The following SPNS2 variants were observed in gnomAD, a reference collection of about 807,000 sequenced individuals.
SPNS2 encodes sphingosine-1-phosphate transporter SPNS2.
Under a neutral mutation model 57.6 loss-of-function variants are expected in SPNS2, and 37 were observed. That is an observed-to-expected ratio of 0.64 (90% CI 0.49 to 0.85). SPNS2 has a LOEUF of 0.85. Ranked by LOEUF, SPNS2 falls within the 40% of genes least tolerant of loss-of-function variation. The pLI is 0.00. For synonymous variants in SPNS2, 440 were observed against 346.9 expected, an observed-to-expected ratio of 1.27 and a Z score of -2.98; for missense variants, 831 against 779.1, an observed-to-expected ratio of 1.07 and a Z score of -0.79.
intron 1 of SPNS2, among the ~76,000 whole-genome samples, chr17:4,503,154 T>A (rs1026897699): frequency 6.6e-6 from 1 of 152,194 alleles, no homozygotes; most frequent in Admixed American, 6.5e-5. Flanking sequence ...TTACCCAAGG[T>A]CACACGGGGG....
rs546650305 is a variant in SPNS2 at position 4,533,444 on chromosome 17, G to C, written c.1278+12G>C. The C allele has an allele frequency of 4.4e-6, 7 of 1,580,408 alleles. No homozygotes were observed. In the Admixed American group the frequency reaches 8.8e-5, roughly 20 times the overall value. On this transcript the variant is annotated intron_variant, in intron 8 of 12. Transcript: ENST00000329078. The stretch of plus-strand genomic sequence containing the variant: ...TCGTAGGAGCCTATGTGAGTGCAGC[G>C]GGGGTCAAGGGTGCTGGGGGAGCTG...
intron 3 of SPNS2, among the ~76,000 whole-genome samples, chr17:4,526,352 C>T (rs1024892454): frequency 6.6e-6 from 1 of 152,102 alleles, no homozygotes; most frequent in African/African-American, 2.4e-5. Context: ...CCTGTAATCC[C>T]AGCACTTTGG....
intron 3 of SPNS2, among the ~76,000 whole-genome samples, 169 bp from the exon 4 acceptor site, chr17:4,530,463 C>T (rs114534579): frequency 0.016 from 2,490 of 152,210 alleles, 63 homozygotes; most frequent in African/African-American, 0.058. Flanking sequence ...AACTGAGGCC[C>T]GGAGTGGCTG....
At position 4,536,183 on chromosome 17, in the gene SPNS2, C is replaced by T. The variant is rs747162282; in HGVS notation, c.1443+9C>T. On this transcript the variant is annotated intron_variant, in intron 10 of 12. Transcript: ENST00000329078. ...CCTACCTCATTGGCTTTGTGAGTAG[C>T]CCCGGGGTGGGGCTGGCCAGGGCAG... 1.9e-6 allele frequency: 3 copies of T among 1,610,716 alleles called. No individual in the cohort carries two copies. The highest frequency in any genetic ancestry group is 1.1e-5 in the South Asian group (1 of 90,988).
rs890883816 is a variant in SPNS2 at position 4,537,367 on chromosome 17, A to C, written c.*5-86A>C. 5.1e-5 allele frequency: 20 copies of C among 393,502 alleles called. No homozygotes were observed. The Admixed American group carries it at 6.2e-4, about 12-fold the overall frequency. 24.4% of individuals were successfully genotyped at this position (393,502 alleles called of 1,614,324 possible). ...GGTCCAGGAGAAGGCTTGCGTCTCC[A>C]AACAGCAAGAAAAGGGAAGGAGGGA... On this transcript the variant is annotated intron_variant, in intron 12 of 12. Coordinates refer to ENST00000329078, the MANE Select transcript of SPNS2 (RefSeq NM_001124758.3).
At chr17:4,531,597 C>T (rs1481602899) in intron 5 of SPNS2, among the ~76,000 whole-genome samples, 3 of 152,140 alleles carry the variant, frequency 2.0e-5, no homozygotes, top group African/African-American at 7.2e-5. Context: ...AACAGAGATC[C>T]CTCGTCTCTC....
intron 5 of SPNS2, among the ~76,000 whole-genome samples, chr17:4,532,186 C>T (rs1905514992): frequency 6.6e-6 from 1 of 152,108 alleles, no homozygotes; most frequent in African/African-American, 2.4e-5. Flanking sequence ...ATCCGTCCAT[C>T]CCTCCATCTA....
intron 1 of SPNS2, among the ~76,000 whole-genome samples, chr17:4,509,827 G>T (rs1904781627): frequency 6.6e-6 from 1 of 152,250 alleles, no homozygotes; most frequent in South Asian, 2.1e-4. Flanking sequence ...GGAGAGGCCT[G>T]CATTGTGGCT....
At chr17:4,536,049 C>A in intron 9 of SPNS2, 27 bp from the exon 10 acceptor site, 1 of 1,599,290 alleles carries the variant, frequency 6.3e-7, no homozygotes, top group Non-Finnish European at 8.5e-7. Context: ...TCTCCTCTGG[C>A]CGCTGACCTG....
chr17:4,528,438 G>C (rs1043694726), intron 3 of SPNS2, among the ~76,000 whole-genome samples: 5 of 152,066 alleles, frequency 3.3e-5, no homozygotes, highest in African/African-American at 1.2e-4. Flanking sequence ...TGCGTGGAGG[G>C]TTTCCTTTCA....
chr17:4,532,828 A>G, intron 6 of SPNS2, 144 bp downstream of exon 6: 9 of 1,454,568 alleles, frequency 6.2e-6, no homozygotes, highest in Non-Finnish European at 8.3e-6. Flanking sequence ...TTTTGGCCCC[A>G]GAATCGATTA....
intron 1 of SPNS2, among the ~76,000 whole-genome samples, chr17:4,507,985 C>G (rs1030312857): frequency 1.3e-5 from 2 of 152,114 alleles, no homozygotes; most frequent in Non-Finnish European, 2.9e-5. Flanking sequence ...GTCCTGGAAT[C>G]GGGGCTTGAC....
At position 4,498,947 on chromosome 17, in the gene SPNS2, A is replaced by C; in HGVS notation, c.-101A>C. On this transcript the variant is annotated 5_prime_UTR_variant, in exon 1 of 13. Transcript: ENST00000329078. ...GCGCAGGAGCCGACGGGGCCCGACC[A>C]GGATGGTGCAGTGGCGGCTCCGCGG... is the stretch of plus-strand genomic sequence containing the variant. 1.4e-6 allele frequency: 1 copy of C among 704,578 alleles called. No individual in the cohort carries two copies. The highest frequency in any genetic ancestry group is 1.7e-6 in the Non-Finnish European group (1 of 574,508). 43.6% of individuals were successfully genotyped at this position (704,578 alleles called of 1,614,324 possible). A position where few individuals can be genotyped will look rare whatever the true frequency, so the allele number is the denominator to read the frequency against.
chr17:4,507,723 G>A (rs954823947), intron 1 of SPNS2, among the ~76,000 whole-genome samples: 1 of 152,246 alleles, frequency 6.6e-6, no homozygotes, highest in Non-Finnish European at 1.5e-5. Flanking sequence ...TAGGGTGAAC[G>A]TGGGCTGATA....
At chr17:4,536,809 A>C (rs1184085114) in intron 11 of SPNS2, 91 bp from the exon 12 acceptor site, 1 of 1,076,138 alleles carries the variant, frequency 9.3e-7, no homozygotes, top group South Asian at 1.3e-5. Flanking sequence ...ACCTCCGGTC[A>C]GCTGGCCCCC....
chr17:4,536,222 A>G, intron 10 of SPNS2, 41 bp from the exon 11 acceptor site: 1 of 1,608,770 alleles, frequency 6.2e-7, no homozygotes, highest in Non-Finnish European at 8.5e-7. Context: ...GGGGGACTGC[A>G]GGAGGGCTCT....
At chr17:4,536,544 G>A (rs936982058) in intron 11 of SPNS2, 118 bp downstream of exon 11, 7 of 1,263,310 alleles carry the variant, frequency 5.5e-6, no homozygotes, top group East Asian at 5.0e-5. Context: ...TGCACTCAGT[G>A]CACCCACTGG....
chr17:4,503,261 G>C (rs903978087), intron 1 of SPNS2, among the ~76,000 whole-genome samples: 2 of 152,224 alleles, frequency 1.3e-5, no homozygotes, highest in Non-Finnish European at 2.9e-5. Flanking sequence ...GCCTGGGAAC[G>C]CAGAGGCTCT....
intron 12 of SPNS2, among the ~76,000 whole-genome samples, 193 bp from the exon 13 acceptor site, chr17:4,537,260 A>T (rs1038831985): frequency 1.9e-4 from 29 of 152,212 alleles, no homozygotes; most frequent in Non-Finnish European, 1.0e-4. Context: ...ATCCTCCTGG[A>T]TGTACCAGGG....
Sources: allele counts gnomAD v4.1 joint callset (sites outside exome capture counted in the v4.1 genomes callset), GRCh38; gene constraint gnomAD v4.1.1; transcripts MANE v1.5; gene names NCBI Gene and HGNC (gene_info 2026-07-23, HGNC 2026-07-21).